The following ELSPBP1 variants were observed in gnomAD, a reference collection of about 807,000 sequenced individuals.
ELSPBP1 encodes the protein epididymal sperm binding protein 1, also known as epididymal sperm-binding protein 1.
In ELSPBP1, 38 loss-of-function variants were observed where a neutral mutation model predicts 33.3. That is an observed-to-expected ratio of 1.14 (90% CI 0.88 to 1.50). The LOEUF is 1.50. Ranked by LOEUF, ELSPBP1 falls within the 40% of genes most tolerant of loss-of-function variation. The probability of loss-of-function intolerance (pLI) is 0.00; values close to 1 mark genes in which losing one functional copy is unlikely to be tolerated. For missense variants in ELSPBP1, 267 were observed against 263.5 expected (o/e 1.01, Z -0.09); for synonymous variants, 85 against 94.1 (o/e 0.90, Z 0.56).
chr19:48,003,531 C>A (rs150973095), intron 1 of ELSPBP1, among the ~76,000 whole-genome samples: 112 of 142,860 alleles, frequency 7.8e-4, no homozygotes, highest in African/African-American at 2.7e-3. Flanking sequence ...ATAAATGCCA[C>A]CCCTGCTCTT....
chr19:48,018,111 T>G (rs1368110607), intron 4 of ELSPBP1, among the ~76,000 whole-genome samples: 1 of 152,122 alleles, frequency 6.6e-6, no homozygotes, highest in Non-Finnish European at 1.5e-5. Context: ...TTAAGAAAGT[T>G]GTTGATTATT....
intron 5 of ELSPBP1, among the ~76,000 whole-genome samples, chr19:48,021,508 C>G (rs989287617): frequency 1.3e-5 from 2 of 151,454 alleles, no homozygotes; most frequent in Non-Finnish European, 2.9e-5. Context: ...GGCGTGATCT[C>G]GGCTCACTGC....
chr19:48,012,947 C>T (rs1245896255), intron 2 of ELSPBP1, among the ~76,000 whole-genome samples: 2 of 152,166 alleles, frequency 1.3e-5, no homozygotes, highest in East Asian at 1.9e-4. Context: ...GCTAGACTAT[C>T]GTCCGAATAA....
intron 1 of ELSPBP1, among the ~76,000 whole-genome samples, chr19:48,004,590 C>T (rs1422328829): frequency 6.6e-6 from 1 of 152,164 alleles, no homozygotes; most frequent in Non-Finnish European, 1.5e-5. Flanking sequence ...CTCACGTCTC[C>T]CTCCTCCATC....
intron 1 of ELSPBP1, among the ~76,000 whole-genome samples, chr19:48,001,879 T>G (rs1451919992): frequency 6.6e-6 from 1 of 152,020 alleles, no homozygotes; most frequent in Non-Finnish European, 1.5e-5. Context: ...AGATTTTTTG[T>G]AGATACGAGG....
intron 2 of ELSPBP1, among the ~76,000 whole-genome samples, chr19:48,012,909 T>C (rs1461451633): frequency 6.6e-6 from 1 of 152,198 alleles, no homozygotes; most frequent in South Asian, 2.1e-4. Context: ...TACTGTACTA[T>C]GAAAACAAAA....
chr19:47,996,696 A>C (rs918283909), intron 1 of ELSPBP1, among the ~76,000 whole-genome samples: 4 of 152,120 alleles, frequency 2.6e-5, no homozygotes, highest in African/African-American at 9.7e-5. Flanking sequence ...GGGATGGTTG[A>C]TGGATGGATG....
chr19:47,995,389 C>A (rs1966903202), intron 1 of ELSPBP1, among the ~76,000 whole-genome samples: 1 of 152,224 alleles, frequency 6.6e-6, no homozygotes, highest in Admixed American at 6.5e-5. Context: ...TGTTAAGAGA[C>A]TGGGTGAATT....
At chr19:48,013,688 G>A (rs1967100320) in intron 2 of ELSPBP1, among the ~76,000 whole-genome samples, 2 of 151,474 alleles carry the variant, frequency 1.3e-5, no homozygotes, top group Non-Finnish European at 2.9e-5. Context: ...CTGCACTCCA[G>A]CCTGGGTGAC....
intron 1 of ELSPBP1, among the ~76,000 whole-genome samples, chr19:48,003,943 TCTATTCTATTC>T (rs1404551488): frequency 3.7e-5 from 5 of 133,402 alleles, no homozygotes; most frequent in African/African-American, 1.4e-4. Flanking sequence ...TCTATTCTAT[TCTATTCTATTC>T]TATTCTTTTG....
chr19:48,010,231 C>G (rs1248947019), intron 2 of ELSPBP1, among the ~76,000 whole-genome samples: 1 of 152,150 alleles, frequency 6.6e-6, no homozygotes. Flanking sequence ...TGACAAATTC[C>G]TGAAAGTTTA....
At chr19:48,006,176 T>G (rs1967015415) in intron 1 of ELSPBP1, among the ~76,000 whole-genome samples, 2 of 152,070 alleles carry the variant, frequency 1.3e-5, no homozygotes, top group South Asian at 4.1e-4. Context: ...TCCAGGCTGA[T>G]CTCAAACTCC....
At chr19:48,001,842 C>T (rs760425315) in intron 1 of ELSPBP1, among the ~76,000 whole-genome samples, 1 of 151,978 alleles carries the variant, frequency 6.6e-6, no homozygotes, top group Non-Finnish European at 1.5e-5. Context: ...CATGTGCCAC[C>T]ATGCTGGCTG....
intron 1 of ELSPBP1, among the ~76,000 whole-genome samples, chr19:48,003,664 G>A (rs189741492): frequency 8.0e-4 from 121 of 150,914 alleles, no homozygotes; most frequent in African/African-American, 2.9e-3. Flanking sequence ...AGCCTCCTGA[G>A]TAGCTGGGAC....
Position 48,022,195 on chromosome 19 carries a change from T to C in ELSPBP1, c.540T>C (p.Phe180=). 1 of 1,613,356 alleles carries C rather than the reference T, an allele frequency of 6.2e-7. No homozygotes were observed. The highest frequency in any genetic ancestry group is 1.3e-5 in the African/African-American group (1 of 75,030). The change falls in exon 6 of 7, where the codon TTT becomes TTC. Residue 180 remains phenylalanine (F), a synonymous_variant. Coordinates refer to ENST00000339841, the MANE Select transcript of ELSPBP1 (RefSeq NM_022142.5). ...DTRISALVPG[F]PCHFPFNYKN... is the part of the protein sequence containing the mutation. Reference sequence around the variant, plus strand: ...GAATTTCCGCGTTGGTCCCTGGCTTTCCTTGTCACTTTCCGTTCAACTATA... The same window carrying C: ...GAATTTCCGCGTTGGTCCCTGGCTTCCCTTGTCACTTTCCGTTCAACTATA...
In ELSPBP1 at chr19:48,024,649, A is replaced by G. The variant is rs1234488966; in HGVS notation, c.*8-303A>G. Among the ~76,000 whole-genome samples, 10 of 152,210 alleles carry G rather than the reference A, an allele frequency of 6.6e-5. No individual in the cohort carries two copies. In the East Asian group the frequency reaches 1.5e-3, roughly 23 times the overall value. On this transcript the variant is annotated intron_variant, in intron 6 of 6. Transcript: ENST00000339841. Reference sequence around the variant, plus strand: ...TTAAAAAACACCCACAGTGGCGTTCAGTCTGTGGCTAGGACTAGGAACAGC... The same window carrying G: ...TTAAAAAACACCCACAGTGGCGTTCGGTCTGTGGCTAGGACTAGGAACAGC...
At chr19:48,016,562 TC>T (rs879646350) in intron 4 of ELSPBP1, among the ~76,000 whole-genome samples, 34,402 of 95,542 alleles carry the variant, frequency 0.36, 6,351 homozygotes, top group East Asian at 0.62. Context: ...CTTCCTTCCT[TC>T]CTTCCTCCCT....
intron 1 of ELSPBP1, among the ~76,000 whole-genome samples, chr19:48,000,034 C>A (rs985833144): frequency 2.0e-5 from 3 of 151,890 alleles, no homozygotes; most frequent in Admixed American, 1.3e-4. Context: ...CTACGTTGCA[C>A]AAGCTGGTCT....
chr19:48,013,581 G>A (rs1337031497), intron 2 of ELSPBP1, among the ~76,000 whole-genome samples: 2 of 152,084 alleles, frequency 1.3e-5, no homozygotes, highest in South Asian at 2.1e-4. Context: ...GCTAGGTGTG[G>A]TGGCGGGCAC....
Sources: allele counts gnomAD v4.1 joint callset (sites outside exome capture counted in the v4.1 genomes callset), GRCh38; gene constraint gnomAD v4.1.1; transcripts MANE v1.5; gene names NCBI Gene and HGNC (gene_info 2026-07-23, HGNC 2026-07-21).